INTS6: variants seen among roughly 807,000 people sequenced by gnomAD.
INTS6 encodes the protein DEAD box protein.
Under a neutral mutation model 104.9 loss-of-function variants are expected in INTS6, and 16 were observed. The ratio of observed to expected loss-of-function variants is 0.15; its 90% CI spans 0.10 to 0.23. The LOEUF (loss-of-function observed/expected upper bound fraction) is 0.23. Among genes scored for constraint, INTS6 ranks in the 10% least tolerant of loss-of-function variants. The pLI is 1.00. For synonymous variants in INTS6, 324 were observed against 358.7 expected, an observed-to-expected ratio of 0.90 and a Z score of 1.09; for missense variants, 584 against 1,062.8, an observed-to-expected ratio of 0.55 and a Z score of 6.26.
intron 4 of INTS6, among the ~76,000 whole-genome samples, chr13:51,414,088 G>A (rs948936605): frequency 1.3e-5 from 2 of 152,190 alleles, no homozygotes; most frequent in African/African-American, 4.8e-5. Context: ...TTTAGGTCAT[G>A]CTTATATTAG....
chr13:51,358,183 T>TA (rs1955510521), downstream of INTS6, among the ~76,000 whole-genome samples: 1 of 152,066 alleles, frequency 6.6e-6, no homozygotes, highest in Non-Finnish European at 1.5e-5. Flanking sequence ...CCCCTCTCCC[T>TA]AACACTTAGT....
intron 4 of INTS6, among the ~76,000 whole-genome samples, chr13:51,422,364 GCA>G (rs1359453236): frequency 4.6e-5 from 7 of 152,124 alleles, no homozygotes; most frequent in African/African-American, 7.2e-5. Flanking sequence ...AAAAGTTCAT[GCA>G]CACAGATGGA....
rs780323784 is a variant in INTS6, at chr13:51,378,247, G to T, written c.1594C>A (p.Leu532Met). Residue 532 changes from leucine (L) to methionine (M), a missense_variant, in exon 12 of 18, where the codon CTG becomes ATG. Transcript: ENST00000311234. ...KEYTGFQVAL[L>M]NKDLKPQTFR... ...AAATTCATGATTATTACCTTATTCA[G>T]CAAAGCAACTTGGAACCCAGTGTAT... 2 of 1,610,880 alleles carry T rather than the reference G, an allele frequency of 1.2e-6. No individual in the cohort carries two copies. The highest frequency in any genetic ancestry group is 1.1e-5 in the South Asian group (1 of 90,994).
At chr13:51,372,251 T>C (rs1955821466) in intron 15 of INTS6, among the ~76,000 whole-genome samples, 1 of 151,758 alleles carries the variant, frequency 6.6e-6, no homozygotes, top group Non-Finnish European at 1.5e-5. Context: ...CAGAAACTGC[T>C]CTTGCTAAGA....
intron 3 of INTS6, chr13:51,443,841 A>G (rs940167972): frequency 2.0e-5 from 3 of 152,186 alleles, no homozygotes; most frequent in Non-Finnish European, 2.9e-5. Context: ...AATACTATAT[A>G]ATCTCTTTGT....
At chr13:51,438,973 TTC>T (rs751324561) in intron 3 of INTS6, 8 of 152,330 alleles carry the variant, frequency 5.3e-5, no homozygotes, top group Middle Eastern at 3.4e-3. Flanking sequence ...TTCAGAATAA[TTC>T]TGTTATTAGA....
chr13:51,389,210 A>G (rs1956201790), intron 6 of INTS6, 109 bp downstream of exon 6: 2 of 1,088,118 alleles, frequency 1.8e-6, no homozygotes, highest in Non-Finnish European at 2.6e-6. Flanking sequence ...TTTCTGTCTT[A>G]ATAATTTGGC....
At chr13:51,433,217 G>A (rs746498459) in intron 3 of INTS6, among the ~76,000 whole-genome samples, 2 of 152,308 alleles carry the variant, frequency 1.3e-5, no homozygotes, top group Middle Eastern at 3.4e-3. Flanking sequence ...GCCAAGGTAC[G>A]CGGATCACTT....
At chr13:51,429,785 A>AAAAAAAAAT (rs1156333077) in intron 4 of INTS6, among the ~76,000 whole-genome samples, 119 of 92,364 alleles carry the variant, frequency 1.3e-3, no homozygotes, top group African/African-American at 4.3e-3. Flanking sequence ...AAAAAAAAAA[A>AAAAAAAAAT]ATATATATAT....
intron 4 of INTS6, among the ~76,000 whole-genome samples, chr13:51,411,950 C>T (rs1956695758): frequency 6.6e-6 from 1 of 152,166 alleles, no homozygotes; most frequent in African/African-American, 2.4e-5. Flanking sequence ...TGTAGTATAG[C>T]CATACAATGG....
Position 51,452,266 on chromosome 13 carries a change from C to T in INTS6, c.111+149G>A. On this transcript the variant is annotated intron_variant, in intron 1 of 17. Coordinates refer to ENST00000311234, the MANE Select transcript of INTS6 (RefSeq NM_012141.3). The surrounding 1 kb of genome is among the most constrained non-coding windows in gnomAD (Gnocchi z 4.2). Reference sequence around the variant, plus strand: ...CCGGCCGAACCCGGCTCGCAGCGCCCGCCCGCCCGCGCGGTGGGGGAGGGG... The same window carrying T: ...CCGGCCGAACCCGGCTCGCAGCGCCTGCCCGCCCGCGCGGTGGGGGAGGGG... 1 of 858,530 alleles carries T rather than the reference C, an allele frequency of 1.2e-6. No individual in the cohort carries two copies. Among genetic ancestry groups the T allele is most frequent in the Non-Finnish European group, 1.5e-6 (1 of 671,730 alleles). 53.2% of individuals were successfully genotyped at this position (858,530 alleles called of 1,614,324 possible).
chr13:51,368,788 G>C, intron 16 of INTS6, 151 bp downstream of exon 16: 2 of 797,180 alleles, frequency 2.5e-6, no homozygotes, highest in South Asian at 2.1e-5. Flanking sequence ...GTGTTGGTCA[G>C]ATGAATAAAG....
In INTS6 at chr13:51,362,657, G is replaced by C. The variant is rs951071262; in HGVS notation, c.*3095C>G. 6.6e-6 allele frequency: 1 copy of C among 152,324 alleles called. No homozygotes were observed. The highest frequency in any genetic ancestry group is 1.5e-5 in the Non-Finnish European group (1 of 67,908). 9.4% of individuals were successfully genotyped at this position (152,324 alleles called of 1,614,324 possible). On this transcript the variant is annotated 3_prime_UTR_variant, in exon 18 of 18. Coordinates refer to ENST00000311234, the MANE Select transcript of INTS6 (RefSeq NM_012141.3). Reference sequence around the variant, plus strand: ...AGACTAATAAAATCAAGCAAAGGTGGATCTACTTTAACTAAACATCAGGCA... The same window carrying C: ...AGACTAATAAAATCAAGCAAAGGTGCATCTACTTTAACTAAACATCAGGCA...
chr13:51,439,843 G>C (rs900465356), intron 3 of INTS6: 1 of 152,186 alleles, frequency 6.6e-6, no homozygotes, highest in Admixed American at 6.5e-5. Context: ...ATACATGACA[G>C]TGGTCCTGTA....
At chr13:51,352,866 G>A (rs1024242401), downstream of INTS6, among the ~76,000 whole-genome samples, 1 of 152,032 alleles carries the variant, frequency 6.6e-6, no homozygotes, top group Non-Finnish European at 1.5e-5. Context: ...TGGTGATGTG[G>A]CCTTTGTCCT....
the INTS6 span, among the ~76,000 whole-genome samples, chr13:51,335,082 C>T: frequency 6.6e-6 from 1 of 151,024 alleles, no homozygotes; most frequent in Non-Finnish European, 1.5e-5. Context: ...GAGCTCAGAA[C>T]ATACCCATGT....
In INTS6 at chr13:51,393,449, G is replaced by A. The variant is rs572491828; in HGVS notation, c.613+1851C>T. On this transcript the variant is annotated intron_variant, in intron 5 of 17. Coordinates refer to ENST00000311234, the MANE Select transcript of INTS6 (RefSeq NM_012141.3). ...TATTTGGATAGTGCAATACCAGTGG[G>A]TATTATCTTTTTTGTTCTTTCTACT... Among the ~76,000 whole-genome samples the A allele has an allele frequency of 1.1e-4, 17 of 152,268 alleles. No individual in the cohort carries two copies. In the South Asian group the frequency reaches 3.3e-3, roughly 30 times the overall value.
intron 16 of INTS6, 54 bp downstream of exon 16, chr13:51,368,885 C>G: frequency 6.7e-7 from 1 of 1,485,004 alleles, no homozygotes; most frequent in Admixed American, 2.4e-5. Context: ...TTCTTTTTTG[C>G]TTTTTGAGCA....
At chr13:51,344,573 C>G in the INTS6 span, 13 of 998,680 alleles carry the variant, frequency 1.3e-5, no homozygotes, top group African/African-American at 2.1e-4. Context: ...GGCCATGGTG[C>G]TCAGGCCACC....
Sources: gnomAD v4.1 joint callset for allele counts (sites outside exome capture counted in the v4.1 genomes callset) on GRCh38, gnomAD v4.1.1 for gene constraint, Gnocchi (gnomAD v3.1) non-coding constraint, MANE v1.5 for transcripts, NCBI Gene and HGNC (gene_info 2026-07-23, HGNC 2026-07-21) for gene names.